The following FANCD2 variants were observed in gnomAD, a reference collection of about 807,000 sequenced individuals.
FANCD2 encodes the protein FA complementation group D2.
A neutral mutation model predicts 192.3 loss-of-function variants in FANCD2; 131 were observed. That is an observed-to-expected ratio of 0.68 (90% confidence interval 0.59 to 0.79). The LOEUF (loss-of-function observed/expected upper bound fraction) is 0.79, where lower values mean the gene tolerates loss of function less well. FANCD2 is among the 30% of genes least tolerant of loss of function. FANCD2 has a pLI of 0.00. For synonymous variants in FANCD2, 524 were observed against 612.5 expected, an observed-to-expected ratio of 0.86 and a Z score of 2.13; for missense variants, 1,508 against 1,701.6, an observed-to-expected ratio of 0.89 and a Z score of 2.00.
chr3:10,082,299 A>C (rs1029479799), intron 32 of FANCD2, among the ~76,000 whole-genome samples: 1 of 152,132 alleles, frequency 6.6e-6, no homozygotes, highest in African/African-American at 2.4e-5. Flanking sequence ...TAACATCTAG[A>C]TAGCCATCTG....
chr3:10,058,197 G>C (rs2087468561), intron 18 of FANCD2: 1 of 297,404 alleles, frequency 3.4e-6, no homozygotes, highest in Non-Finnish European at 6.7e-6. Flanking sequence ...TGGAGATTAG[G>C]CCCACTCTTG....
intron 13 of FANCD2, 62 bp downstream of exon 13, chr3:10,043,654 T>C (rs2086923419): frequency 1.4e-6 from 2 of 1,385,438 alleles, no homozygotes; most frequent in East Asian, 2.3e-5. Context: ...GACAGATGTA[T>C]AACTGAGGTA....
rs185705102 is a variant in FANCD2, at chr3:10,048,172, A to G, written c.1413+121A>G. On this transcript the variant is annotated intron_variant, in intron 16 of 43. Transcript: ENST00000675286. ...GGAACTCTGACCTGGGTCTCAAGAA[A>G]GCTCAATTCTAGTCCCAGCCTTGAT... is the stretch of plus-strand genomic sequence containing the variant. The G allele has an allele frequency of 1.4e-5, 18 of 1,291,870 alleles. No homozygotes were observed. The African/African-American group carries it at 2.6e-4, about 19-fold the overall frequency. 80.0% of individuals were successfully genotyped at this position (1,291,870 alleles called of 1,614,324 possible). A position where few individuals can be genotyped will look rare whatever the true frequency, so the allele number is the denominator to read the frequency against.
chr3:10,081,275 T>G, intron 31 of FANCD2, 47 bp downstream of exon 31: 1 of 1,613,768 alleles, frequency 6.2e-7, no homozygotes, highest in Non-Finnish European at 8.5e-7. Flanking sequence ...TGAGGTTTCA[T>G]TTTTGGCTGA....
At chr3:10,086,331 T>C (rs528580635) in intron 33 of FANCD2, among the ~76,000 whole-genome samples, 79 of 152,260 alleles carry the variant, frequency 5.2e-4, no homozygotes, top group Non-Finnish European at 1.0e-3. Context: ...GGGTAGGCAG[T>C]GGACAAGGGA....
intron 11 of FANCD2, 141 bp from the exon 12 acceptor site, chr3:10,042,909 A>C: frequency 1.2e-6 from 1 of 835,598 alleles, no homozygotes; most frequent in Non-Finnish European, 2.0e-6. Flanking sequence ...GGCTATTCTC[A>C]TAACTCTATT....
chr3:10,051,380 C>CAAAAAAAAAA (rs35760922), intron 17 of FANCD2, among the ~76,000 whole-genome samples: 1 of 8,700 alleles, frequency 1.1e-4, no homozygotes, highest in African/African-American at 3.7e-4. Context: ...GACTCCGTCT[C>CAAAAAAAAAA]AAAAAAAAAA....
At chr3:10,052,350 G>A (rs2087242566) in intron 17 of FANCD2, 37 bp from the exon 18 acceptor site, 1 of 1,280,236 alleles carries the variant, frequency 7.8e-7, no homozygotes, top group African/African-American at 1.5e-5. Context: ...AAAAATGTTA[G>A]CTGCTAGCCT....
chr3:10,067,684 A>AC (rs1276094837), intron 26 of FANCD2, among the ~76,000 whole-genome samples: 1 of 152,054 alleles, frequency 6.6e-6, no homozygotes, highest in African/African-American at 2.4e-5. Flanking sequence ...TGTAATCCCA[A>AC]CTACTTGGGA....
At chr3:10,056,112 C>T (rs2087403869) in intron 18 of FANCD2, among the ~76,000 whole-genome samples, 1 of 152,202 alleles carries the variant, frequency 6.6e-6, no homozygotes, top group Non-Finnish European at 1.5e-5. Flanking sequence ...CTCCTCACCT[C>T]AGGTGATCCG....
chr3:10,080,298 A>G (rs975817095), intron 30 of FANCD2, among the ~76,000 whole-genome samples: 46 of 152,124 alleles, frequency 3.0e-4, no homozygotes, highest in Non-Finnish European at 5.7e-4. Flanking sequence ...TAGTGGCACA[A>G]TCTTGGCTCA....
rs2087528083 is a variant in FANCD2, at chr3:10,060,275, C to T, written c.1657-19C>T. The T allele has an allele frequency of 1.9e-6, 3 of 1,566,822 alleles. No homozygotes were observed. The highest frequency in any genetic ancestry group is 2.2e-5 in the South Asian group (2 of 89,986). On this transcript the variant is annotated intron_variant, in intron 18 of 43. Coordinates refer to ENST00000675286, the MANE Select transcript of FANCD2 (RefSeq NM_001018115.3). ...GTGCCATTCCAGCATTTTCATCTTT[C>T]TTCATCATCTCATTGCAGGATGACA...
At chr3:10,060,464 T>C in intron 19 of FANCD2, 61 bp downstream of exon 19, 1 of 1,221,302 alleles carries the variant, frequency 8.2e-7, no homozygotes, top group Non-Finnish European at 1.2e-6. Flanking sequence ...AACTAAGTGT[T>C]ACATCTCATA....
chr3:10,044,406 G>A (rs968703634), intron 14 of FANCD2, among the ~76,000 whole-genome samples: 3 of 151,660 alleles, frequency 2.0e-5, no homozygotes, highest in Non-Finnish European at 4.4e-5. Flanking sequence ...GGTAGCTCAC[G>A]CCTATAATCC....
intron 14 of FANCD2, chr3:10,046,305 G>T (rs572521379): frequency 1.5e-4 from 57 of 388,250 alleles, no homozygotes; most frequent in African/African-American, 1.1e-3. Flanking sequence ...TGCCCGCCTT[G>T]GCCTCCCAAA....
intron 18 of FANCD2, among the ~76,000 whole-genome samples, chr3:10,052,771 GA>G (rs1426213244): frequency 1.3e-5 from 2 of 151,470 alleles, no homozygotes; most frequent in Non-Finnish European, 2.9e-5. Context: ...AAAAACACAT[GA>G]AAAAGTGCTC....
At position 10,064,419 on chromosome 3, in the gene FANCD2, G is replaced by A. The variant is rs2125034123; in HGVS notation, c.2011G>A (p.Val671Ile). The stretch of plus-strand genomic sequence containing the variant: ...TGCCTTCGTAGTGGACTCCTGTGTT[G>A]TTCCGGAAGGGTAGGTATTGTTTAC... ...QDAFVVDSCVVPEGDFPFPVK... is the reference protein window; with the variant it reads ...QDAFVVDSCVIPEGDFPFPVK... Residue 671 changes from valine to isoleucine, a missense_variant, in exon 22 of 44, where the codon GTT (valine) becomes ATT (isoleucine). Coordinates refer to ENST00000675286, the MANE Select transcript of FANCD2 (RefSeq NM_001018115.3). 1.2e-6 allele frequency: 2 copies of A among 1,613,566 alleles called. No individual in the cohort carries two copies. Among genetic ancestry groups the A allele is most frequent in the Non-Finnish European group, 8.5e-7 (1 of 1,179,612 alleles).
chr3:10,075,713 A>AACAGAAATAG (rs2125051422), intron 29 of FANCD2, among the ~76,000 whole-genome samples: 2 of 150,518 alleles, frequency 1.3e-5, no homozygotes, highest in South Asian at 4.2e-4. Flanking sequence ...GTACCTTCAG[A>AACAGAAATAG]ACAGAAATAG....
chr3:10,031,229 C>T (rs572143737), intron 2 of FANCD2, among the ~76,000 whole-genome samples: 5 of 152,198 alleles, frequency 3.3e-5, no homozygotes, highest in Middle Eastern at 3.4e-3. Flanking sequence ...GGAGGCCAGG[C>T]ACGGTGGCTC....
Sources: gnomAD v4.1 joint callset for allele counts (sites outside exome capture counted in the v4.1 genomes callset) on GRCh38, gnomAD v4.1.1 for gene constraint, MANE v1.5 for transcripts, NCBI Gene and HGNC (gene_info 2026-07-23, HGNC 2026-07-21) for gene names.